The following TRPM2 variants were observed in gnomAD, a reference collection of about 807,000 sequenced individuals.
The protein encoded by TRPM2 is transient receptor potential cation channel subfamily M member 2, also known as estrogen-responsive element-associated gene 1 protein.
A neutral mutation model predicts 174.0 loss-of-function variants in TRPM2; 161 were observed. That is an observed-to-expected ratio of 0.93 (90% CI 0.81 to 1.05). The LOEUF (loss-of-function observed/expected upper bound fraction) is 1.05. Ranked by LOEUF, TRPM2 falls within the 50% of genes least tolerant of loss-of-function variation. The pLI is 0.00. For synonymous variants in TRPM2, 954 were observed against 861.3 expected (o/e 1.11, Z -1.88); for missense variants, 2,057 against 2,038.0 (o/e 1.01, Z -0.18).
Position 44,364,137 on chromosome 21 carries a change from A to G in TRPM2, c.278A>G (p.Tyr93Cys), listed in dbSNP as rs201599308. Residue 93 changes from tyrosine (Y) to cysteine (C), a missense_variant, in exon 3 of 32, where the codon TAC (tyrosine) becomes TGC (cysteine). Tyr to Cys is a radical substitution (Grantham distance 194). Transcript: ENST00000397928. ...AGGAAGGTGGTGTGTCAGTGTGGCT[A>G]CACGCATGAGCAGCACTTGGAGGAG... ...DAGKVVCQCG[Y>C]THEQHLEEAT... The G allele has an allele frequency of 6.2e-7, 1 of 1,614,072 alleles. No homozygotes were observed. Among genetic ancestry groups the G allele is most frequent in the East Asian group, 2.2e-5 (1 of 44,888 alleles).
chr21:44,379,622 A>G (rs978929888), intron 8 of TRPM2, among the ~76,000 whole-genome samples: 39 of 152,224 alleles, frequency 2.6e-4, no homozygotes, highest in African/African-American at 8.7e-4. Context: ...GGAGGCATGT[A>G]GAGTGGCCTC....
At chr21:44,421,604 T>C (rs963146427) in intron 22 of TRPM2, among the ~76,000 whole-genome samples, 5 of 151,604 alleles carry the variant, frequency 3.3e-5, no homozygotes, top group African/African-American at 1.2e-4. Flanking sequence ...GACCCCCATC[T>C]CTACAAAAAA....
intron 5 of TRPM2, among the ~76,000 whole-genome samples, chr21:44,374,733 G>A (rs982206077): frequency 2.6e-5 from 4 of 152,138 alleles, no homozygotes; most frequent in South Asian, 2.1e-4. Flanking sequence ...TCACACACAC[G>A]ATGGGGAGCG....
chr21:44,364,423 G>A, intron 3 of TRPM2, 141 bp downstream of exon 3: 3 of 1,003,094 alleles, frequency 3.0e-6, no homozygotes, highest in Non-Finnish European at 2.9e-6. Flanking sequence ...CACAGCAAGG[G>A]AAGCGGCGGG....
At chr21:44,382,608 AG>A in intron 8 of TRPM2, 109 bp from the exon 9 acceptor site, 1 of 994,496 alleles carries the variant, frequency 1.0e-6, no homozygotes, top group Non-Finnish European at 1.5e-6. Context: ...CCACAAGCGC[AG>A]GCAGGACCCA....
intron 18 of TRPM2, 62 bp downstream of exon 18, chr21:44,406,099 G>T: frequency 3.2e-6 from 5 of 1,583,204 alleles, no homozygotes; most frequent in Non-Finnish European, 4.3e-6. Flanking sequence ...CTCGGGGAGG[G>T]CAGGCCCCTT....
At chr21:44,383,639 A>G (rs2048944714) in intron 9 of TRPM2, among the ~76,000 whole-genome samples, 1 of 152,264 alleles carries the variant, frequency 6.6e-6, no homozygotes, top group South Asian at 2.1e-4. Flanking sequence ...TTTATCTCTC[A>G]ATAGATTTAA....
chr21:44,389,924 G>C (rs1027991459), intron 9 of TRPM2, among the ~76,000 whole-genome samples: 2 of 149,528 alleles, frequency 1.3e-5, no homozygotes, highest in African/African-American at 5.0e-5. Context: ...CCAGGCTGGA[G>C]TGCAGTGGCG....
Position 44,399,594 on chromosome 21 carries a change from C to T in TRPM2, c.2208+153C>T, listed in dbSNP as rs75435447. 6.8e-3 allele frequency among the ~76,000 whole-genome samples: 1,033 copies of T among 152,330 alleles called. 6 individuals carry two copies. The highest frequency in any genetic ancestry group is 0.01 in the Non-Finnish European group (711 of 68,018). Reference sequence around the variant, plus strand: ...GCGCCTGACCCCTCGGCCACCTGCTCCAGGCTCTGGCCTCCCATTTTGCAG... The same window carrying T: ...GCGCCTGACCCCTCGGCCACCTGCTTCAGGCTCTGGCCTCCCATTTTGCAG... On this transcript the variant is annotated intron_variant, in intron 14 of 31. Transcript: ENST00000397928. This position sits in a 1 kb window ranked among gnomAD's most constrained non-coding sequence, Gnocchi z 4.6.
intron 22 of TRPM2, among the ~76,000 whole-genome samples, chr21:44,420,834 C>T (rs966628218): frequency 6.6e-6 from 1 of 152,224 alleles, no homozygotes; most frequent in Non-Finnish European, 1.5e-5. Context: ...ACACCCTTCA[C>T]CTGCATCATC....
rs766495447 is a variant in TRPM2 at position 44,435,136 on chromosome 21, C to T, written c.3980C>T (p.Pro1327Leu). ...YTVQAGLPLN[P>L]MGRTGLRGRG... is the part of the protein sequence containing the mutation. Reference sequence around the variant, plus strand: ...TCAACCCCTCTGCATCCCAGGAACCCCATGGGCCGCACAGGACTGCGTGGG... The same window carrying T: ...TCAACCCCTCTGCATCCCAGGAACCTCATGGGCCGCACAGGACTGCGTGGG... Residue 1327 changes from proline to leucine, a missense_variant, in exon 28 of 32, where the codon CCC (proline) becomes CTC (leucine). Coordinates refer to ENST00000397928, the MANE Select transcript of TRPM2 (RefSeq NM_003307.4). 1 of 1,612,660 alleles carries T rather than the reference C, an allele frequency of 6.2e-7. No homozygotes were observed. Among genetic ancestry groups the T allele is most frequent in the Non-Finnish European group, 8.5e-7 (1 of 1,179,080 alleles).
At chr21:44,398,493 G>A (rs867534822) in intron 13 of TRPM2, among the ~76,000 whole-genome samples, 2 of 152,126 alleles carry the variant, frequency 1.3e-5, no homozygotes, top group Middle Eastern at 3.2e-3. Flanking sequence ...GAACCACCAC[G>A]CCTGGTGAGA....
chr21:44,402,055 G>T (rs2049638277), intron 16 of TRPM2, among the ~76,000 whole-genome samples, 158 bp downstream of exon 16: 1 of 152,096 alleles, frequency 6.6e-6, no homozygotes, highest in Non-Finnish European at 1.5e-5. Context: ...GGGTGGCTGG[G>T]GCGCTGCCCT....
At chr21:44,385,238 C>A (rs1317965303) in intron 9 of TRPM2, among the ~76,000 whole-genome samples, 2 of 151,986 alleles carry the variant, frequency 1.3e-5, no homozygotes, top group Non-Finnish European at 2.9e-5. Flanking sequence ...TAAAAACATT[C>A]AACAAATTAG....
rs45518839 is a variant in TRPM2 at position 44,375,937 on chromosome 21, C to T, written c.876C>T (p.His292=). ...SHFILVDDGT[H]GQYGVEIPLR... is the part of the protein sequence containing the mutation. ...TCATCCTCGTGGACGACGGGACCCA[C>T]GGCCAGTACGGGGTGGAGATTCCTC... is the stretch of plus-strand genomic sequence containing the variant. Residue 292 remains histidine, a synonymous_variant, in exon 6 of 32, where the codon CAC becomes CAT. Coordinates refer to ENST00000397928, the MANE Select transcript of TRPM2 (RefSeq NM_003307.4). 1.2e-4 allele frequency: 197 copies of T among 1,614,072 alleles called. 1 individual carries two copies. In the East Asian group the frequency reaches 3.4e-3, roughly 28 times the overall value.
chr21:44,405,873 CTGAGA>C (rs1247269953), intron 17 of TRPM2, 27 bp from the exon 18 acceptor site: 5 of 1,593,462 alleles, frequency 3.1e-6, no homozygotes, highest in Non-Finnish European at 3.4e-6. Flanking sequence ...GAGCAGGTGG[CTGAGA>C]TGTGTGTGCT....
chr21:44,405,191 A>T lies in TRPM2; in HGVS notation c.2588A>T (p.Tyr863Phe). Residue 863 changes from tyrosine to phenylalanine, a missense_variant, in exon 17 of 32, where the codon TAC (tyrosine) becomes TTC (phenylalanine). By Grantham distance (22) the Tyr-to-Phe change is conservative. Transcript: ENST00000397928. The part of the protein sequence containing the change: ...ECGLMKKAAL[Y>F]FSDFWNKLDV... ...GGGCTGATGAAGAAGGCAGCCTTGTACTTCAGTGACTTCTGGAATAAGCTG... is the reference window on the plus strand; with the variant it reads ...GGGCTGATGAAGAAGGCAGCCTTGTTCTTCAGTGACTTCTGGAATAAGCTG... The T allele has an allele frequency of 1.2e-6, 2 of 1,613,482 alleles. No homozygotes were observed. The highest frequency in any genetic ancestry group is 1.7e-6 in the Non-Finnish European group (2 of 1,179,956).
intron 5 of TRPM2, among the ~76,000 whole-genome samples, chr21:44,370,112 C>G (rs1364943748): frequency 1.3e-5 from 2 of 152,148 alleles, no homozygotes; most frequent in African/African-American, 4.8e-5. Context: ...CTTGGCTGGA[C>G]TCTGGTATCT....
intron 24 of TRPM2, 62 bp from the exon 25 acceptor site, chr21:44,425,608 C>T (rs1364406169): frequency 9.1e-6 from 13 of 1,430,598 alleles, no homozygotes; most frequent in Admixed American, 8.1e-5. Flanking sequence ...AAGTCCTTGT[C>T]CTGCGGGCGG....
Sources: allele counts gnomAD v4.1 joint callset (sites outside exome capture counted in the v4.1 genomes callset), GRCh38; gene constraint gnomAD v4.1.1; non-coding constraint Gnocchi (gnomAD v3.1); transcripts MANE v1.5; gene names NCBI Gene and HGNC (gene_info 2026-07-23, HGNC 2026-07-21).